Variants in HS1BP3 observed in about 807,000 individuals in gnomAD.
HS1BP3 encodes the protein HCLS1 binding protein 3.
Under a neutral mutation model 33.5 loss-of-function variants are expected in HS1BP3, and 32 were observed. The observed-to-expected ratio is 0.95, with a 90% CI of 0.72 to 1.28. HS1BP3 has a LOEUF of 1.28. HS1BP3 is among the 50% of genes most tolerant of loss of function. The pLI is 0.00. For synonymous variants in HS1BP3, 187 were observed against 209.2 expected (o/e 0.89, Z 0.92); for missense variants, 486 against 502.3 (o/e 0.97, Z 0.31).
At chr2:20,649,454 C>G (rs1239515762) in intron 1 of HS1BP3, among the ~76,000 whole-genome samples, 1 of 152,224 alleles carries the variant, frequency 6.6e-6, no homozygotes, top group East Asian at 1.9e-4. Context: ...CTCTGTTGCC[C>G]CCACTGTTTT....
chr2:20,623,696 C>T, intron 6 of HS1BP3, 200 bp downstream of exon 6: 1 of 486,314 alleles, frequency 2.1e-6, no homozygotes, highest in Non-Finnish European at 3.5e-6. Flanking sequence ...ACTAGCTGAG[C>T]AGCCCTGGGC....
chr2:20,599,230 TGGCCCCAGGGGGAGTGAGGACACAGCA>T (rs1694015442), intron 2 of HS1BP3, among the ~76,000 whole-genome samples: 1 of 152,240 alleles, frequency 6.6e-6, no homozygotes. Flanking sequence ...GGAGCTGTCC[TGGCCCCAGGGGGAGTGAGGACACAGCA>T]GTACCCACAG....
downstream of HS1BP3, among the ~76,000 whole-genome samples, chr2:20,612,842 G>A (rs906695129): frequency 3.9e-5 from 6 of 152,162 alleles, no homozygotes; most frequent in African/African-American, 1.4e-4. Flanking sequence ...GAGTGGAATT[G>A]CTGATTTGTG....
At chr2:20,593,570 A>G (rs116946031) in intron 3 of HS1BP3, among the ~76,000 whole-genome samples, 2 of 152,172 alleles carry the variant, frequency 1.3e-5, no homozygotes, top group East Asian at 3.9e-4. Context: ...GGTTCTCATG[A>G]GGCCCCCGCA....
chr2:20,576,737 G>T (rs578055376), intron 5 of HS1BP3, among the ~76,000 whole-genome samples: 2 of 152,038 alleles, frequency 1.3e-5, no homozygotes, highest in South Asian at 2.1e-4. Context: ...TTCCACAACA[G>T]AAATGGAAGT....
At chr2:20,619,670 G>A (rs1028269295) in intron 6 of HS1BP3, among the ~76,000 whole-genome samples, 1 of 152,226 alleles carries the variant, frequency 6.6e-6, no homozygotes, top group African/African-American at 2.4e-5. Context: ...CGCCACTCTG[G>A]GGAGGCATGA....
downstream of HS1BP3, among the ~76,000 whole-genome samples, chr2:20,590,067 C>T (rs1203796789): frequency 6.6e-6 from 1 of 152,120 alleles, no homozygotes; most frequent in African/African-American, 2.4e-5. Flanking sequence ...CATCAGAGAC[C>T]ACCCGGTCTC....
At chr2:20,639,014 G>T (rs1367410120) in intron 3 of HS1BP3, among the ~76,000 whole-genome samples, 4 of 152,242 alleles carry the variant, frequency 2.6e-5, no homozygotes, top group African/African-American at 7.2e-5. Context: ...CTCCTCCCGG[G>T]TGAGCGGTGG....
Position 20,641,005 on chromosome 2 carries a change from A to G in HS1BP3, c.374T>C (p.Leu125Ser). The G allele has an allele frequency of 6.2e-7, 1 of 1,614,186 alleles. No individual in the cohort carries two copies. The highest frequency in any genetic ancestry group is 8.5e-7 in the Non-Finnish European group (1 of 1,180,034). Reference sequence around the variant, plus strand: ...CTCTAGCAGCTCTGGGCTGCCTGCCAACTCGGCATCCTTGGAGACACAGCG... The same window carrying G: ...CTCTAGCAGCTCTGGGCTGCCTGCCGACTCGGCATCCTTGGAGACACAGCG... ...ILRCVSKDAE[L>S]AGSPELLEFL... The change falls in exon 3 of 7, where the codon TTG becomes TCG. Residue 125 changes from leucine to serine, a missense_variant. By Grantham distance (145) the Leu-to-Ser change is moderately radical. Transcript: ENST00000304031.
chr2:20,595,922 G>T (rs921866244), intron 3 of HS1BP3, among the ~76,000 whole-genome samples: 1 of 152,186 alleles, frequency 6.6e-6, no homozygotes, highest in Non-Finnish European at 1.5e-5. Context: ...AGAGCTTCCC[G>T]CATGGCTGAT....
downstream of HS1BP3, among the ~76,000 whole-genome samples, chr2:20,615,237 G>A (rs1265917088): frequency 6.6e-6 from 1 of 152,240 alleles, no homozygotes; most frequent in Non-Finnish European, 1.5e-5. Context: ...GGCACTGTGG[G>A]GTGAGGGGAT....
intron 2 of HS1BP3, among the ~76,000 whole-genome samples, chr2:20,605,086 T>C (rs1034156544): frequency 6.6e-6 from 1 of 152,222 alleles, no homozygotes; most frequent in African/African-American, 2.4e-5. Context: ...TAGCTTCAAA[T>C]GTTTCCTGCC....
rs367701992 is a variant in HS1BP3, at chr2:20,624,841, C to T, written c.675G>A (p.Ser225=). 128 of 1,613,644 alleles carry T rather than the reference C, an allele frequency of 7.9e-5. No individual in the cohort carries two copies. Among genetic ancestry groups the T allele is most frequent in the African/African-American group, 9.3e-5 (7 of 74,918 alleles). ...HPKVAVKAKP[S]PRLTIFDEEV... ...CCTCGTCAAAGATGGTGAGCCGGGG[C>T]GAGGGCTTGGCTTTCACGGCCACTT... Residue 225 remains serine (S), a synonymous_variant, in exon 5 of 7, where the codon TCG becomes TCA. Coordinates refer to ENST00000304031, the MANE Select transcript of HS1BP3 (RefSeq NM_022460.4).
At chr2:20,575,645 C>T (rs1261375837) in intron 5 of HS1BP3, among the ~76,000 whole-genome samples, 9 of 152,230 alleles carry the variant, frequency 5.9e-5, no homozygotes, top group African/African-American at 1.9e-4. Context: ...CCTGCCTCCT[C>T]CCCTCTCCAG....
intron 5 of HS1BP3, among the ~76,000 whole-genome samples, chr2:20,581,555 G>T (rs1693532725): frequency 6.6e-6 from 1 of 152,126 alleles, no homozygotes; most frequent in Non-Finnish European, 1.5e-5. Flanking sequence ...TCACCATGTT[G>T]CCCAGGCTGG....
chr2:20,582,758 C>T (rs1693564436), intron 5 of HS1BP3, among the ~76,000 whole-genome samples: 1 of 152,160 alleles, frequency 6.6e-6, no homozygotes, highest in African/African-American at 2.4e-5. Flanking sequence ...GCAGACGTGA[C>T]CTCAGCTCGC....
At chr2:20,598,163 T>C in intron 3 of HS1BP3, 1 of 244,624 alleles carries the variant, frequency 4.1e-6, no homozygotes, top group Non-Finnish European at 9.0e-6. Flanking sequence ...TTTATTTCTA[T>C]TATTATTACG....
At chr2:20,595,449 A>G (rs978303064) in intron 3 of HS1BP3, among the ~76,000 whole-genome samples, 2 of 152,188 alleles carry the variant, frequency 1.3e-5, no homozygotes, top group Admixed American at 6.5e-5. Flanking sequence ...CTGCTCTAAC[A>G]GAGGCACAGA....
At chr2:20,572,829 C>T (rs532565734) in intron 5 of HS1BP3, among the ~76,000 whole-genome samples, 1 of 152,118 alleles carries the variant, frequency 6.6e-6, no homozygotes, top group Non-Finnish European at 1.5e-5. Flanking sequence ...ACAGGTGGCC[C>T]CTGCTCCAGG....
Sources: allele counts gnomAD v4.1 joint callset (sites outside exome capture counted in the v4.1 genomes callset), GRCh38; gene constraint gnomAD v4.1.1; transcripts MANE v1.5; gene names NCBI Gene and HGNC (gene_info 2026-07-23, HGNC 2026-07-21).